Variants in ANKRD11 observed in about 807,000 individuals in gnomAD.
ANKRD11 encodes the protein ankyrin repeat domain 11.
A neutral mutation model predicts 195.7 loss-of-function variants in ANKRD11; 17 were observed. The observed-to-expected ratio is 0.09, with a 90% CI of 0.06 to 0.13. The LOEUF is 0.13. Among genes scored for constraint, ANKRD11 ranks in the 10% least tolerant of loss-of-function variants. The probability of loss-of-function intolerance (pLI) is 1.00; values close to 1 mark genes in which losing one functional copy is unlikely to be tolerated. For missense variants in ANKRD11, 3,735 were observed against 3,566.1 expected (o/e 1.05, Z -1.21); for synonymous variants, 1,953 against 1,528.1 (o/e 1.28, Z -6.49).
chr16:89,346,542 A>G (rs2038951888), intron 2 of ANKRD11, among the ~76,000 whole-genome samples: 2 of 152,244 alleles, frequency 1.3e-5, no homozygotes, highest in South Asian at 4.1e-4. Context: ...AAAAACTGTG[A>G]GAGTCACCTT....
chr16:89,435,254 A>ACCAATCAGCACTCTGTAAAATGGC (rs1567801579), intron 1 of ANKRD11, among the ~76,000 whole-genome samples: 2 of 152,178 alleles, frequency 1.3e-5, no homozygotes, highest in African/African-American at 2.4e-5. Flanking sequence ...GTAAAAATGG[A>ACCAATCAGCACTCTGTAAAATGGC]CCAATCAGCA....
At chr16:89,372,196 G>A (rs559208330) in intron 2 of ANKRD11, among the ~76,000 whole-genome samples, 30 of 152,364 alleles carry the variant, frequency 2.0e-4, no homozygotes, top group East Asian at 7.7e-4. Context: ...CAGCGGCAGC[G>A]CACGGCAAGA....
intron 2 of ANKRD11, among the ~76,000 whole-genome samples, chr16:89,348,383 C>G (rs963433392): frequency 6.6e-6 from 1 of 152,120 alleles, no homozygotes; most frequent in Non-Finnish European, 1.5e-5. Context: ...TATCGCTATC[C>G]TTTCTATCTC....
intron 3 of ANKRD11, chr16:89,313,263 A>G (rs1397083689): frequency 7.9e-7 from 1 of 1,266,044 alleles, no homozygotes; most frequent in Admixed American, 2.3e-5. Flanking sequence ...TGGGGTGGGG[A>G]CGACAGGGGA....
chr16:89,402,432 C>A (rs932684970), intron 2 of ANKRD11, among the ~76,000 whole-genome samples: 1 of 152,074 alleles, frequency 6.6e-6, no homozygotes, highest in African/African-American at 2.4e-5. Context: ...CTGTACCTAA[C>A]ACATGAGGAA....
chr16:89,274,671 G>C, intron 11 of ANKRD11, 143 bp downstream of exon 11: 1 of 1,231,936 alleles, frequency 8.1e-7, no homozygotes, highest in South Asian at 1.2e-5. Context: ...AAGGCTAGAG[G>C]CATGCAAAGG....
chr16:89,337,787 G>C (rs1053098062), intron 2 of ANKRD11, among the ~76,000 whole-genome samples: 1 of 152,116 alleles, frequency 6.6e-6, no homozygotes, highest in Non-Finnish European at 1.5e-5. Flanking sequence ...GTCTTTCCTA[G>C]GTGGAAAGCA....
intron 7 of ANKRD11, chr16:89,288,058 C>T (rs2034775234): frequency 3.6e-6 from 2 of 557,096 alleles, no homozygotes; most frequent in Non-Finnish European, 6.3e-6. Flanking sequence ...CCTCTCAGTG[C>T]CCACTGCTCC....
chr16:89,448,969 G>A (rs2043933809), intron 1 of ANKRD11, among the ~76,000 whole-genome samples: 1 of 152,192 alleles, frequency 6.6e-6, no homozygotes, highest in Non-Finnish European at 1.5e-5. Flanking sequence ...GTTCTTGGTA[G>A]CAGCCATCAA....
At chr16:89,486,696 G>A (rs889066923) in intron 1 of ANKRD11, among the ~76,000 whole-genome samples, 9 of 152,142 alleles carry the variant, frequency 5.9e-5, no homozygotes, top group Admixed American at 3.9e-4. Context: ...GTCACCATTT[G>A]GGACGTTATC....
chr16:89,381,233 G>A (rs1427834383), intron 2 of ANKRD11, among the ~76,000 whole-genome samples: 1 of 151,666 alleles, frequency 6.6e-6, no homozygotes, highest in Non-Finnish European at 1.5e-5. Flanking sequence ...TGGGGAGGCT[G>A]AGGCAGGAGA....
intron 12 of ANKRD11, 185 bp downstream of exon 12, chr16:89,270,632 G>A (rs1329434730): frequency 9.1e-6 from 6 of 658,302 alleles, no homozygotes; most frequent in Admixed American, 6.5e-5. Context: ...GAGGCCACAC[G>A]CAGGGACAGG....
At chr16:89,480,829 C>T (rs1474049411) in intron 1 of ANKRD11, among the ~76,000 whole-genome samples, 2 of 152,178 alleles carry the variant, frequency 1.3e-5, no homozygotes, top group Non-Finnish European at 2.9e-5. Flanking sequence ...CCAGCAGGTA[C>T]CCATCTAACA....
At chr16:89,409,996 C>G (rs535955043) in intron 2 of ANKRD11, among the ~76,000 whole-genome samples, 4 of 152,086 alleles carry the variant, frequency 2.6e-5, no homozygotes, top group Non-Finnish European at 5.9e-5. Context: ...CCCGCCACCA[C>G]GCCCGGCTAA....
At chr16:89,301,314 G>A (rs886280819) in intron 4 of ANKRD11, 1 of 382,640 alleles carries the variant, frequency 2.6e-6, no homozygotes. Context: ...TAAAAAAGTA[G>A]ACAAAGTAGT....
intron 2 of ANKRD11, among the ~76,000 whole-genome samples, chr16:89,318,800 G>C (rs1002318136): frequency 5.3e-5 from 8 of 152,222 alleles, no homozygotes; most frequent in African/African-American, 1.9e-4. Flanking sequence ...TGGAGAGAGG[G>C]ACAGGTCGGG....
At chr16:89,334,434 TGAG>T (rs1270376715) in intron 2 of ANKRD11, among the ~76,000 whole-genome samples, 1 of 152,142 alleles carries the variant, frequency 6.6e-6, no homozygotes, top group Non-Finnish European at 1.5e-5. Context: ...TGCCATTCTC[TGAG>T]GAGTCCTCTC....
rs945969826 is a variant in ANKRD11 at position 89,418,315 on chromosome 16, G to T, written c.-91C>A. On this transcript the variant is annotated 5_prime_UTR_variant, in exon 2 of 13. Transcript: ENST00000301030. ...CATAGCTGAAAGTCAGTGCTGACGA[G>T]GACTGTCTTTTAAATCCAATGGAGG... 1 of 454,002 alleles carries T rather than the reference G, an allele frequency of 2.2e-6. No homozygotes were observed. The highest frequency in any genetic ancestry group is 1.6e-5 in the South Asian group (1 of 64,466). The allele number at this position is 454,002 out of a possible 1,614,324, so 28.1% of individuals were successfully genotyped here.
chr16:89,469,868 G>C (rs1234584661), intron 1 of ANKRD11, among the ~76,000 whole-genome samples: 6 of 149,150 alleles, frequency 4.0e-5, no homozygotes, highest in African/African-American at 1.5e-4. Context: ...CGGAGACAGA[G>C]TGAGGCTCCG....
Sources: allele counts gnomAD v4.1 joint callset (sites outside exome capture counted in the v4.1 genomes callset), GRCh38; gene constraint gnomAD v4.1.1; transcripts MANE v1.5; gene names NCBI Gene and HGNC (gene_info 2026-07-23, HGNC 2026-07-21).